Variants in POLH observed in about 807,000 individuals in gnomAD.
POLH encodes DNA polymerase eta transcript.
Under a neutral mutation model 73.6 loss-of-function variants are expected in POLH, and 53 were observed. The ratio of observed to expected loss-of-function variants is 0.72; its 90% CI spans 0.58 to 0.91. The LOEUF is 0.91. Ranked by LOEUF, POLH falls within the 40% of genes least tolerant of loss-of-function variation. The pLI is 0.00. For missense variants in POLH, 768 were observed against 865.4 expected, an observed-to-expected ratio of 0.89 and a Z score of 1.41; for synonymous variants, 292 against 308.5, an observed-to-expected ratio of 0.95 and a Z score of 0.56.
chr6:43,582,243 A>G, intron 1 of POLH, 73 bp from the exon 2 acceptor site: 1 of 1,375,196 alleles, frequency 7.3e-7, no homozygotes, highest in Non-Finnish European at 1.0e-6. Context: ...TCAGTGAAAG[A>G]ATGGAATTAC....
At chr6:43,583,364 A>G (rs1764489147) in intron 3 of POLH, among the ~76,000 whole-genome samples, 1 of 152,182 alleles carries the variant, frequency 6.6e-6, no homozygotes, top group Non-Finnish European at 1.5e-5. Flanking sequence ...TTTGATATCT[A>G]TTCAGTTCCT....
chr6:43,601,108 C>T lies in POLH; in HGVS notation c.764+17C>T, dbSNP rs1169732598. The T allele has an allele frequency of 1.3e-6, 2 of 1,534,162 alleles. No homozygotes were observed. Among genetic ancestry groups the T allele is most frequent in the Non-Finnish European group, 1.8e-6 (2 of 1,107,276 alleles). Reference sequence around the variant, plus strand: ...TCGCAAAATGTAAGTATTCAGGCAGCATGTTAAATTTCACTTCTATCCATG... The same window carrying T: ...TCGCAAAATGTAAGTATTCAGGCAGTATGTTAAATTTCACTTCTATCCATG... On this transcript the variant is annotated intron_variant, in intron 6 of 10. Transcript: ENST00000372236.
At position 43,619,651 on chromosome 6, in the gene POLH, G is replaced by T. The variant is rs1227053896; in HGVS notation, c.*5094G>T. Among the ~76,000 whole-genome samples the T allele has an allele frequency of 6.6e-6, 1 of 152,146 alleles. No individual in the cohort carries two copies. The highest frequency in any genetic ancestry group is 1.5e-5 in the Non-Finnish European group (1 of 68,042). On this transcript the variant is annotated 3_prime_UTR_variant, in exon 11 of 11. Coordinates refer to ENST00000372236, the MANE Select transcript of POLH (RefSeq NM_006502.3). ...GCAGAGAGGCTCACTAGTTCCTGGA[G>T]ATGTCTTATTAAGTACTGAAATGTG...
rs1335654125 is a variant in POLH, at chr6:43,581,667, C to CCGGCGGTCGGGCGGCGGCGG, written c.-4-647_-4-628dup. Among the ~76,000 whole-genome samples, 51 of 114,354 alleles carry CCGGCGGTCGGGCGGCGGCGG rather than the reference C, an allele frequency of 4.5e-4. No homozygotes were observed. In the East Asian group the frequency reaches 9.8e-3, roughly 22 times the overall value. 75.0% of individuals were successfully genotyped at this position (114,354 alleles called of 152,430 possible). On this transcript the variant is annotated intron_variant, in intron 1 of 10. Coordinates refer to ENST00000372236, the MANE Select transcript of POLH (RefSeq NM_006502.3). The stretch of plus-strand genomic sequence containing the variant: ...CTGCTGCCCGCTGAACTCCATCCTC[C>CCGGCGGTCGGGCGGCGGCGG]CGGCGGTCGGGCGGCGGCGGCTGCG...
At chr6:43,602,995 C>CT (rs59306548) in intron 6 of POLH, among the ~76,000 whole-genome samples, 5,149 of 113,998 alleles carry the variant, frequency 0.045, 287 homozygotes, top group African/African-American at 0.11. Flanking sequence ...TTATGTATTC[C>CT]TTTTTTTTTT....
intron 4 of POLH, chr6:43,591,217 TTTA>T (rs1347007083): frequency 6.6e-6 from 1 of 152,262 alleles, no homozygotes; most frequent in African/African-American, 2.4e-5. Flanking sequence ...TATTTGATAT[TTTA>T]TTATTCTGGG....
intron 3 of POLH, among the ~76,000 whole-genome samples, chr6:43,586,810 T>C (rs1764872382): frequency 6.6e-6 from 1 of 152,228 alleles, no homozygotes; most frequent in Admixed American, 6.5e-5. Flanking sequence ...TGAGAAATAC[T>C]ATCCTGGGGA....
In POLH at chr6:43,611,595, A is replaced by G. The variant is rs75785341; in HGVS notation, c.1244+872A>G. Among the ~76,000 whole-genome samples, 745 of 152,308 alleles carry G rather than the reference A, an allele frequency of 4.9e-3. 5 individuals are homozygous for G. Among genetic ancestry groups the G allele is most frequent in the African/African-American group, 0.016 (678 of 41,574 alleles). ...TTTTTTAAAGTATTCCAAATTCACA[A>G]TAGAAATATAATTATGAGAGAGAGG... On this transcript the variant is annotated intron_variant, in intron 10 of 10. Coordinates refer to ENST00000372236, the MANE Select transcript of POLH (RefSeq NM_006502.3).
At position 43,619,364 on chromosome 6, in the gene POLH, CAAAAAAAAAA is replaced by C. The variant is rs60046548; in HGVS notation, c.*4828_*4837del. Among the ~76,000 whole-genome samples the C allele has an allele frequency of 4.9e-4, 18 of 37,048 alleles. No homozygotes were observed. Among genetic ancestry groups the C allele is most frequent in the East Asian group, 3.6e-3 (2 of 562 alleles). 24.3% of individuals were successfully genotyped at this position (37,048 alleles called of 152,430 possible). A position where few individuals can be genotyped will look rare whatever the true frequency, so the allele number is the denominator to read the frequency against. ...TGGGTGACAGTCTGAGACCCTGTCT[CAAAAAAAAAA>C]AAAAAAAAAAAAAAAAAAAAGACTA... On this transcript the variant is annotated 3_prime_UTR_variant, in exon 11 of 11. Coordinates refer to ENST00000372236, the MANE Select transcript of POLH (RefSeq NM_006502.3).
chr6:43,588,876 C>G (rs142220941), intron 4 of POLH: 1 of 149,946 alleles, frequency 6.7e-6, no homozygotes, highest in Non-Finnish European at 1.5e-5. Flanking sequence ...CTCACTCTTT[C>G]GCCCAGGCCG....
chr6:43,613,554 C>A, intron 10 of POLH, 106 bp from the exon 11 acceptor site: 1 of 947,750 alleles, frequency 1.1e-6, no homozygotes, highest in Non-Finnish European at 1.6e-6. Flanking sequence ...TGGATTAAAT[C>A]TGTCCTATGG....
chr6:43,587,396 CA>C lies in POLH; in HGVS notation c.399del (p.Gly134ValfsTer62). The C allele has an allele frequency of 6.2e-7, 1 of 1,614,214 alleles. No homozygotes were observed. The highest frequency in any genetic ancestry group is 8.5e-7 in the Non-Finnish European group (1 of 1,180,006). On this transcript the variant is annotated frameshift_variant, in exon 4 of 11. Transcript: ENST00000372236. LOFTEE classifies it high-confidence loss of function. ...TGTACAAGAGAGACTACAAAAGCTA[CA>C]AGGTCAGCCTATCTCGGCAGACTTG... Reference protein sequence around the residue: ...SAVQERLQKLQGQPISADLLP... With the variant: ...SAVQERLQKLXGQPISADLLP...
chr6:43,580,221 TG>T (rs1763875070), intron 1 of POLH, among the ~76,000 whole-genome samples: 1 of 141,930 alleles, frequency 7.0e-6, no homozygotes, highest in Non-Finnish European at 1.5e-5. Context: ...AGCACAGGGT[TG>T]GGGGTAAGGT....
intron 3 of POLH, among the ~76,000 whole-genome samples, chr6:43,585,321 G>A (rs1197046133): frequency 1.3e-5 from 2 of 152,136 alleles, no homozygotes; most frequent in Non-Finnish European, 2.9e-5. Flanking sequence ...GCTCCGTTAT[G>A]TACTCATGAC....
intron 4 of POLH, among the ~76,000 whole-genome samples, chr6:43,593,165 TATCTTATAATG>T (rs1423271212): frequency 2.0e-5 from 3 of 152,248 alleles, no homozygotes; most frequent in Admixed American, 2.0e-4. Context: ...TGTCTGGCTT[TATCTTATAATG>T]ATCATATAAT....
chr6:43,619,344 GAC>G lies in POLH; in HGVS notation c.*4789_*4790del, dbSNP rs1264975644. Among the ~76,000 whole-genome samples, 2 of 118,586 alleles carry G rather than the reference GAC, an allele frequency of 1.7e-5. No individual in the cohort carries two copies. The highest frequency in any genetic ancestry group is 3.3e-5 in the Non-Finnish European group (2 of 61,388). The allele number at this position is 118,586 out of a possible 152,430, so 77.8% of individuals were successfully genotyped here. On this transcript the variant is annotated 3_prime_UTR_variant, in exon 11 of 11. Coordinates refer to ENST00000372236, the MANE Select transcript of POLH (RefSeq NM_006502.3). ...TGTGCCGCTGCACTCCAGCCTGGGT[GAC>G]AGTCTGAGACCCTGTCTCAAAAAAA...
intron 1 of POLH, among the ~76,000 whole-genome samples, chr6:43,579,849 C>T (rs1440776113): frequency 6.6e-6 from 1 of 150,426 alleles, no homozygotes; most frequent in Non-Finnish European, 1.5e-5. Context: ...AATCCTCACA[C>T]ATTTGGTCAC....
At chr6:43,605,594 G>C (rs1236366789) in intron 9 of POLH, among the ~76,000 whole-genome samples, 1 of 151,696 alleles carries the variant, frequency 6.6e-6, no homozygotes, top group African/African-American at 2.4e-5. Flanking sequence ...GACTACAGGT[G>C]CATGCCACTA....
rs1768335187 is a variant in POLH at position 43,616,265 on chromosome 6, G to A, written c.*1708G>A. 6.7e-6 allele frequency among the ~76,000 whole-genome samples: 1 copy of A among 149,138 alleles called. No individual in the cohort carries two copies. The highest frequency in any genetic ancestry group is 1.5e-5 in the Non-Finnish European group (1 of 67,366). ...ACTGCACTCCAGCCTGGGTGACAGAGCGAGACTCCGTCTCAAAAAAAAAAA... is the reference window on the plus strand; with the variant it reads ...ACTGCACTCCAGCCTGGGTGACAGAACGAGACTCCGTCTCAAAAAAAAAAA... On this transcript the variant is annotated 3_prime_UTR_variant, in exon 11 of 11. Coordinates refer to ENST00000372236, the MANE Select transcript of POLH (RefSeq NM_006502.3).
Sources: allele counts gnomAD v4.1 joint callset (sites outside exome capture counted in the v4.1 genomes callset), GRCh38; gene constraint gnomAD v4.1.1; transcripts MANE v1.5; gene names NCBI Gene and HGNC (gene_info 2026-07-23, HGNC 2026-07-21).